The following ACSS3 variants were observed in gnomAD, a reference collection of about 807,000 sequenced individuals.
The protein encoded by ACSS3 is acyl-CoA synthetase short chain family member 3.
In ACSS3, 64 loss-of-function variants were observed where a neutral mutation model predicts 84.2. The observed-to-expected ratio is 0.76, with a 90% CI of 0.62 to 0.94. ACSS3 has a LOEUF of 0.94. Ranked by LOEUF, ACSS3 falls within the 40% of genes least tolerant of loss-of-function variation. ACSS3 has a pLI of 0.00. For synonymous variants in ACSS3, 317 were observed against 310.1 expected, an observed-to-expected ratio of 1.02 and a Z score of -0.23; for missense variants, 815 against 867.6, an observed-to-expected ratio of 0.94 and a Z score of 0.76.
At chr12:81,253,792 G>C in intron 15 of ACSS3, 122 bp downstream of exon 15, 3 of 968,824 alleles carry the variant, frequency 3.1e-6, no homozygotes, top group Non-Finnish European at 4.5e-6. Flanking sequence ...ACACATAATA[G>C]TACTATTTTT....
chr12:81,238,517 G>A (rs890765012), intron 13 of ACSS3, among the ~76,000 whole-genome samples: 21 of 151,734 alleles, frequency 1.4e-4, no homozygotes, highest in African/African-American at 5.1e-4. Context: ...AGTTTTGGAA[G>A]TTTATTAATT....
At chr12:81,086,226 C>T (rs913889280) in intron 1 of ACSS3, among the ~76,000 whole-genome samples, 4 of 151,992 alleles carry the variant, frequency 2.6e-5, no homozygotes, top group Admixed American at 6.6e-5. Context: ...TGAATTTATT[C>T]ATAGCGTTGT....
At chr12:81,160,721 T>C (rs2135781790) in intron 7 of ACSS3, among the ~76,000 whole-genome samples, 1 of 152,318 alleles carries the variant, frequency 6.6e-6, no homozygotes, top group African/African-American at 2.4e-5. Context: ...TTTCTTTTCA[T>C]AGTTAGGGAA....
chr12:81,165,423 A>G lies in ACSS3; in HGVS notation c.1099-9365A>G, dbSNP rs138534986. ...CAGTTCGGGAGGCCAAGACAGGCGGATCACGAGGTCAGGAGATCGAGACCA... is the reference window on the plus strand; with the variant it reads ...CAGTTCGGGAGGCCAAGACAGGCGGGTCACGAGGTCAGGAGATCGAGACCA... On this transcript the variant is annotated intron_variant, in intron 7 of 15. Coordinates refer to ENST00000548058, the MANE Select transcript of ACSS3 (RefSeq NM_024560.4). 9.4e-4 allele frequency among the ~76,000 whole-genome samples: 143 copies of G among 152,278 alleles called. 4 individuals are homozygous for G. In the East Asian group the frequency reaches 0.026, roughly 27 times the overall value.
intron 8 of ACSS3, among the ~76,000 whole-genome samples, chr12:81,175,841 T>A (rs2030431066): frequency 6.6e-6 from 1 of 152,152 alleles, no homozygotes; most frequent in Non-Finnish European, 1.5e-5. Context: ...ATTCTCTGGG[T>A]CATAACTAAT....
intron 9 of ACSS3, among the ~76,000 whole-genome samples, chr12:81,202,053 G>A (rs528213253): frequency 6.6e-6 from 1 of 152,076 alleles, no homozygotes; most frequent in African/African-American, 2.4e-5. Flanking sequence ...GCCGAGGTGG[G>A]CGGATCACGA....
chr12:81,113,106 A>T (rs544619106), intron 2 of ACSS3, among the ~76,000 whole-genome samples: 1 of 152,322 alleles, frequency 6.6e-6, no homozygotes, highest in South Asian at 2.1e-4. Context: ...AATACAAAGT[A>T]AATGAACCCA....
chr12:81,234,083 T>C (rs561815506), intron 13 of ACSS3, among the ~76,000 whole-genome samples: 14 of 151,520 alleles, frequency 9.2e-5, no homozygotes, highest in Non-Finnish European at 1.3e-4. Context: ...CTGGTACCCC[T>C]TATTTTTTTC....
rs1033121646 is a variant in ACSS3, at chr12:81,080,865, T to A, written c.311+2434T>A. On this transcript the variant is annotated intron_variant, in intron 1 of 15. Transcript: ENST00000548058. ...TTGTTGCTATAAAACAAGACACCTCTTTGGGAGGTGATAAGTGGATTTAGG... is the reference window on the plus strand; with the variant it reads ...TTGTTGCTATAAAACAAGACACCTCATTGGGAGGTGATAAGTGGATTTAGG... Among the ~76,000 whole-genome samples, 6 of 152,324 alleles carry A rather than the reference T, an allele frequency of 3.9e-5. No individual in the cohort carries two copies. The East Asian group carries it at 7.7e-4, about 20-fold the overall frequency.
At chr12:81,173,994 T>C (rs184285071) in intron 7 of ACSS3, among the ~76,000 whole-genome samples, 71 of 152,262 alleles carry the variant, frequency 4.7e-4, no homozygotes, top group Non-Finnish European at 8.2e-4. Context: ...CATCTTGCTT[T>C]AGAAACACAG....
In ACSS3 at chr12:81,125,213, C is replaced by CAA. The variant is rs534890795; in HGVS notation, c.457-9592_457-9591dup. Among the ~76,000 whole-genome samples the CAA allele has an allele frequency of 1.1e-3, 164 of 149,566 alleles. 1 individual carries two copies. The highest frequency in any genetic ancestry group is 3.9e-3 in the African/African-American group (153 of 39,640). On this transcript the variant is annotated intron_variant, in intron 2 of 15. Coordinates refer to ENST00000548058, the MANE Select transcript of ACSS3 (RefSeq NM_024560.4). Reference sequence around the variant, plus strand: ...TGGGCAGAAGAGCGAGACTTCGTCTCAAAAAAAAAAAACAAAACAAAACAA... The same window carrying CAA: ...TGGGCAGAAGAGCGAGACTTCGTCTCAAAAAAAAAAAAAACAAAACAAAACAA...
In ACSS3 at chr12:81,258,821, T is replaced by C. The variant is rs1478880868; in HGVS notation, c.*3899T>C. ...CAGTACTGGCTGGCATTTCAAGATA[T>C]TTGAATGAACATGTGGTTCTTAGTA... On this transcript the variant is annotated 3_prime_UTR_variant, in exon 16 of 16. Transcript: ENST00000548058. 6.6e-6 allele frequency: 1 copy of C among 152,110 alleles called. No individual in the cohort carries two copies. Among genetic ancestry groups the C allele is most frequent in the Non-Finnish European group, 1.5e-5 (1 of 68,040 alleles). The allele number at this position is 152,110 out of a possible 1,614,324, so 9.4% of individuals were successfully genotyped here.
At chr12:81,147,956 G>A (rs913510350) in intron 5 of ACSS3, among the ~76,000 whole-genome samples, 8 of 150,858 alleles carry the variant, frequency 5.3e-5, no homozygotes, top group African/African-American at 7.3e-5. Context: ...CACATGCATG[G>A]ATACATGCAT....
At chr12:81,243,965 C>T (rs999512936) in intron 13 of ACSS3, among the ~76,000 whole-genome samples, 11 of 152,086 alleles carry the variant, frequency 7.2e-5, no homozygotes, top group Non-Finnish European at 1.5e-4. Context: ...AAATTTCTGA[C>T]GTATATTATT....
intron 8 of ACSS3, among the ~76,000 whole-genome samples, chr12:81,180,793 A>G (rs1189826381): frequency 1.3e-5 from 2 of 152,180 alleles, no homozygotes; most frequent in African/African-American, 4.8e-5. Flanking sequence ...TGGGATTACA[A>G]GAATGAGCCA....
chr12:81,243,055 G>T (rs951933681), intron 13 of ACSS3, among the ~76,000 whole-genome samples: 1 of 151,996 alleles, frequency 6.6e-6, no homozygotes, highest in Admixed American at 6.6e-5. Flanking sequence ...ATTAGGAAAA[G>T]AGGAAGTCAA....
intron 7 of ACSS3, among the ~76,000 whole-genome samples, chr12:81,155,309 G>A (rs774961975): frequency 1.1e-4 from 17 of 152,022 alleles, no homozygotes; most frequent in Non-Finnish European, 1.9e-4. Flanking sequence ...TTCTGCTTAC[G>A]TTTCCTGGAT....
intron 15 of ACSS3, 48 bp downstream of exon 15, chr12:81,253,718 C>A (rs1444976037): frequency 2.5e-6 from 4 of 1,571,018 alleles, no homozygotes; most frequent in Non-Finnish European, 3.5e-6. Context: ...TATTTTTCTT[C>A]ATTTCTTTGG....
rs201794977 is a variant in ACSS3 at position 81,253,511 on chromosome 12, G to A, written c.1836G>A (p.Glu612=). The A allele has an allele frequency of 1.4e-5, 23 of 1,613,814 alleles. No individual in the cohort carries two copies. In the East Asian group the frequency reaches 4.9e-4, roughly 34 times the overall value. ...CVLRKDINAT[E]EQVLEEIVKH... ...TCTCTCTAGATATAAATGCAACAGAGGAGCAAGTTTTGGAAGAAATTGTGA... is the reference window on the plus strand; with the variant it reads ...TCTCTCTAGATATAAATGCAACAGAAGAGCAAGTTTTGGAAGAAATTGTGA... Residue 612 remains glutamate (E), a synonymous_variant, in exon 15 of 16, where the codon GAG becomes GAA. Transcript: ENST00000548058.
Sources: gnomAD v4.1 joint callset for allele counts (sites outside exome capture counted in the v4.1 genomes callset) on GRCh38, gnomAD v4.1.1 for gene constraint, MANE v1.5 for transcripts, NCBI Gene and HGNC (gene_info 2026-07-23, HGNC 2026-07-21) for gene names.